DIP2B: variants seen among roughly 807,000 people sequenced by gnomAD.
DIP2B encodes disco-interacting protein 2 homolog B.
In DIP2B, 76 loss-of-function variants were observed where a neutral mutation model predicts 198.0. The ratio of observed to expected loss-of-function variants is 0.38; its 90% CI spans 0.32 to 0.46. DIP2B has a LOEUF of 0.46. DIP2B is among the 20% of genes least tolerant of loss of function. DIP2B has a pLI of 0.99. For synonymous variants in DIP2B, 701 were observed against 739.1 expected (o/e 0.95, Z 0.84); for missense variants, 1,559 against 1,978.4 (o/e 0.79, Z 4.02).
At chr12:50,676,257 A>G (rs1194873469) in intron 7 of DIP2B, among the ~76,000 whole-genome samples, 1 of 152,232 alleles carries the variant, frequency 6.6e-6, no homozygotes, top group African/African-American at 2.4e-5. Flanking sequence ...GCTTTTGTTG[A>G]AAGAGCTAAG....
At chr12:50,509,318 A>G (rs2139336748) in intron 1 of DIP2B, among the ~76,000 whole-genome samples, 1 of 152,332 alleles carries the variant, frequency 6.6e-6, no homozygotes, top group Admixed American at 6.5e-5. Flanking sequence ...AGCGGGCTAT[A>G]ATTTAGCCTG....
At chr12:50,744,463 C>A in intron 37 of DIP2B, 124 bp from the exon 38 acceptor site, 1 of 1,331,556 alleles carries the variant, frequency 7.5e-7, no homozygotes, top group Non-Finnish European at 1.0e-6. Flanking sequence ...GTAGACATGA[C>A]TGCTGACGTT....
intron 1 of DIP2B, among the ~76,000 whole-genome samples, chr12:50,608,061 G>A (rs1231772079): frequency 6.6e-6 from 1 of 152,086 alleles, no homozygotes; most frequent in Non-Finnish European, 1.5e-5. Flanking sequence ...CCAAAATGTT[G>A]GGATTACAGG....
chr12:50,623,529 G>GCACA lies in DIP2B; in HGVS notation c.101-2431_101-2428dup, dbSNP rs146613951. ...CTTCCAGACACACACACACACACAC[G>GCACA]CACACACACACACACACACTCTCAC... On this transcript the variant is annotated intron_variant, in intron 1 of 37. Transcript: ENST00000301180. Among the ~76,000 whole-genome samples the GCACA allele has an allele frequency of 3.8e-3, 400 of 104,616 alleles. 2 individuals carry two copies. The highest frequency in any genetic ancestry group is 4.9e-3 in the South Asian group (15 of 3,070). The allele number at this position is 104,616 out of a possible 152,430, so 68.6% of individuals were successfully genotyped here.
At chr12:50,665,818 CGT>C (rs1410186084) in intron 4 of DIP2B, among the ~76,000 whole-genome samples, 3 of 151,576 alleles carry the variant, frequency 2.0e-5, no homozygotes, top group African/African-American at 7.3e-5. Flanking sequence ...TAGATACTCA[CGT>C]GTATGCATGG....
In DIP2B at chr12:50,640,719, T is replaced by G; in HGVS notation, c.173-5T>G. ...GATAACCATCTTTTAAACTTCCTTT[T>G]TTAGAAACTGATTCAGCAGTACAGA... On this transcript the variant is annotated splice_polypyrimidine_tract_variant and splice_region_variant and intron_variant, in intron 2 of 37. Transcript: ENST00000301180. The G allele has an allele frequency of 6.2e-7, 1 of 1,611,544 alleles. No homozygotes were observed. Among genetic ancestry groups the G allele is most frequent in the Non-Finnish European group, 8.5e-7 (1 of 1,179,022 alleles).
intron 2 of DIP2B, among the ~76,000 whole-genome samples, chr12:50,633,772 TAAG>T (rs1034900275): frequency 8.6e-5 from 13 of 152,004 alleles, no homozygotes; most frequent in African/African-American, 2.9e-4. Context: ...TCTCCAAAAA[TAAG>T]AAAAACTAAC....
At chr12:50,624,413 A>G (rs1233635450) in intron 1 of DIP2B, among the ~76,000 whole-genome samples, 2 of 152,126 alleles carry the variant, frequency 1.3e-5, no homozygotes, top group Non-Finnish European at 2.9e-5. Context: ...GCTCACTGCA[A>G]CCATCACCTC....
At position 50,748,072 on chromosome 12, in the gene DIP2B, C is replaced by G. The variant is rs1247173551; in HGVS notation, c.*3233C>G. 1 of 152,618 alleles carries G rather than the reference C, an allele frequency of 6.6e-6. No homozygotes were observed. Among genetic ancestry groups the G allele is most frequent in the Non-Finnish European group, 1.5e-5 (1 of 68,050 alleles). The allele number at this position is 152,618 out of a possible 1,614,324, so 9.5% of individuals were successfully genotyped here. On this transcript the variant is annotated 3_prime_UTR_variant, in exon 38 of 38. Coordinates refer to ENST00000301180, the MANE Select transcript of DIP2B (RefSeq NM_173602.3). ...CTCCTTACTTTAGTCCCTGGGCAAT[C>G]CTTGCTTAATGCTTTTGTTGACTCA...
intron 19 of DIP2B, among the ~76,000 whole-genome samples, chr12:50,701,193 T>C (rs1020184628): frequency 6.6e-6 from 1 of 152,212 alleles, no homozygotes; most frequent in Admixed American, 6.5e-5. Context: ...ATAAATTTAG[T>C]GATAGTGAAG....
intron 21 of DIP2B, 95 bp downstream of exon 21, chr12:50,706,760 C>T: frequency 7.0e-7 from 1 of 1,427,932 alleles, no homozygotes; most frequent in Non-Finnish European, 9.5e-7. Context: ...GGTTCTCTTT[C>T]CAAGTGATCA....
intron 1 of DIP2B, among the ~76,000 whole-genome samples, chr12:50,609,621 A>G (rs1156277814): frequency 2.0e-5 from 3 of 152,234 alleles, no homozygotes; most frequent in Admixed American, 6.5e-5. Flanking sequence ...GAAGTTGCAC[A>G]CATTCTTTCT....
At chr12:50,733,261 T>A (rs1350090851) in intron 32 of DIP2B, among the ~76,000 whole-genome samples, 1 of 151,172 alleles carries the variant, frequency 6.6e-6, no homozygotes, top group Non-Finnish European at 1.5e-5. Context: ...TTTCTTTTTT[T>A]TTTTTTTTTT....
intron 33 of DIP2B, 132 bp downstream of exon 33, chr12:50,734,328 T>C: frequency 1.1e-6 from 1 of 871,988 alleles, no homozygotes; most frequent in Non-Finnish European, 1.8e-6. Context: ...AGGGAAGGAA[T>C]TTGTTTTTAT....
At chr12:50,572,463 T>C (rs1229306953) in intron 1 of DIP2B, among the ~76,000 whole-genome samples, 1 of 152,194 alleles carries the variant, frequency 6.6e-6, no homozygotes, top group African/African-American at 2.4e-5. Context: ...GATTGGTGTG[T>C]GCTGAGAATG....
intron 28 of DIP2B, among the ~76,000 whole-genome samples, chr12:50,726,925 C>A (rs1308215197): frequency 3.3e-5 from 5 of 152,028 alleles, no homozygotes; most frequent in Admixed American, 6.6e-5. Flanking sequence ...CTAGCCTGGG[C>A]AATACAGTGA....
At chr12:50,532,825 G>A (rs967874704) in intron 1 of DIP2B, among the ~76,000 whole-genome samples, 1 of 152,146 alleles carries the variant, frequency 6.6e-6, no homozygotes, top group Non-Finnish European at 1.5e-5. Context: ...GGGAAGTGGG[G>A]GAAGAAAGGG....
intron 2 of DIP2B, among the ~76,000 whole-genome samples, chr12:50,629,135 G>C (rs1937993600): frequency 6.6e-6 from 1 of 152,088 alleles, no homozygotes; most frequent in South Asian, 2.1e-4. Flanking sequence ...ACCCGTCTCG[G>C]CCTCCCAAAG....
At chr12:50,514,936 G>A (rs906125671) in intron 1 of DIP2B, among the ~76,000 whole-genome samples, 4 of 151,964 alleles carry the variant, frequency 2.6e-5, no homozygotes, top group African/African-American at 4.8e-5. Flanking sequence ...AGGATTACAC[G>A]CGTGAGCCAC....
Sources: allele counts gnomAD v4.1 joint callset (sites outside exome capture counted in the v4.1 genomes callset), GRCh38; gene constraint gnomAD v4.1.1; transcripts MANE v1.5; gene names NCBI Gene and HGNC (gene_info 2026-07-23, HGNC 2026-07-21).